The following KHDRBS2 variants were observed in gnomAD, a reference collection of about 807,000 sequenced individuals.
KHDRBS2 encodes KH RNA binding domain containing, signal transduction associated 2.
KHDRBS2 carries 26 observed loss-of-function variants against 44.3 expected under a neutral mutation model. The observed-to-expected ratio is 0.59, with a 90% CI of 0.43 to 0.81. KHDRBS2 has a LOEUF of 0.81. Among genes scored for constraint, KHDRBS2 ranks in the 40% least tolerant of loss-of-function variants. The pLI is 0.00. For missense variants in KHDRBS2, 476 were observed against 433.1 expected (o/e 1.10, Z -0.88); for synonymous variants, 194 against 151.1 (o/e 1.28, Z -2.08).
intron 1 of KHDRBS2, among the ~76,000 whole-genome samples, chr6:62,223,384 G>T (rs911678201): frequency 2.6e-5 from 4 of 152,170 alleles, no homozygotes; most frequent in African/African-American, 9.6e-5. Context: ...CCTGGGTCAG[G>T]CCAACGAAAT....
intron 6 of KHDRBS2, among the ~76,000 whole-genome samples, chr6:61,870,274 T>C (rs1243043836): frequency 6.6e-6 from 1 of 152,136 alleles, no homozygotes; most frequent in Non-Finnish European, 1.5e-5. Flanking sequence ...TAACAGCCAC[T>C]GGGAAGTTCG....
Position 62,092,847 on chromosome 6 carries a change from G to A in KHDRBS2, c.220-44853C>T, listed in dbSNP as rs192289601. Among the ~76,000 whole-genome samples the A allele has an allele frequency of 1.9e-4, 29 of 152,150 alleles. No homozygotes were observed. The East Asian group carries it at 5.0e-3, about 26-fold the overall frequency. On this transcript the variant is annotated intron_variant, in intron 2 of 8. Transcript: ENST00000281156. Reference sequence around the variant, plus strand: ...GTAAGCCATATGAATCCTGGATAAGGAAGAAATAAGGAACATCCACCCATT... The same window carrying A: ...GTAAGCCATATGAATCCTGGATAAGAAAGAAATAAGGAACATCCACCCATT...
At chr6:61,582,880 A>G in the KHDRBS2 span, among the ~76,000 whole-genome samples, 3 of 151,790 alleles carry the variant, frequency 2.0e-5, no homozygotes, top group Admixed American at 6.6e-5. Flanking sequence ...TATTCTTGCT[A>G]TAAGTCTTTT....
chr6:61,975,799 CA>C (rs1772507380), intron 4 of KHDRBS2, among the ~76,000 whole-genome samples: 1 of 152,146 alleles, frequency 6.6e-6, no homozygotes, highest in East Asian at 1.9e-4. Flanking sequence ...ATACTACGTT[CA>C]AAATATAGTA....
intron 8 of KHDRBS2, among the ~76,000 whole-genome samples, chr6:61,695,931 T>C (rs2127543448): frequency 6.6e-6 from 1 of 152,210 alleles, no homozygotes; most frequent in East Asian, 1.9e-4. Context: ...CCTTTTCTCT[T>C]CCCCACAGAG....
intron 1 of KHDRBS2, among the ~76,000 whole-genome samples, chr6:62,267,212 A>G (rs1457822196): frequency 1.3e-5 from 2 of 152,052 alleles, no homozygotes; most frequent in South Asian, 2.1e-4. Context: ...TCAAGAGACC[A>G]AGGTCAGCCA....
chr6:61,713,385 T>C (rs1770851404), intron 7 of KHDRBS2, among the ~76,000 whole-genome samples: 1 of 151,790 alleles, frequency 6.6e-6, no homozygotes, highest in African/African-American at 2.4e-5. Flanking sequence ...CCTATATTTT[T>C]CCCAGATAAA....
chr6:61,550,608 T>C, the KHDRBS2 span, among the ~76,000 whole-genome samples: 1 of 152,124 alleles, frequency 6.6e-6, no homozygotes, highest in Non-Finnish European at 1.5e-5. Flanking sequence ...TTCTGTTTTA[T>C]GTTCTTTCAG....
intron 2 of KHDRBS2, among the ~76,000 whole-genome samples, chr6:62,107,907 C>CT (rs1234722152): frequency 6.6e-6 from 1 of 152,106 alleles, no homozygotes; most frequent in Non-Finnish European, 1.5e-5. Context: ...AAAGCTGAAA[C>CT]TGGATCCCTT....
chr6:61,550,326 G>C, the KHDRBS2 span, among the ~76,000 whole-genome samples: 1 of 152,072 alleles, frequency 6.6e-6, no homozygotes, highest in Non-Finnish European at 1.5e-5. Context: ...TGTTCACTTA[G>C]GATACTATCG....
intron 1 of KHDRBS2, among the ~76,000 whole-genome samples, chr6:62,189,378 T>G (rs1053409863): frequency 2.0e-5 from 3 of 152,006 alleles, no homozygotes; most frequent in African/African-American, 7.2e-5. Context: ...TTTCACTTCT[T>G]AAGAGACTCT....
intron 7 of KHDRBS2, among the ~76,000 whole-genome samples, chr6:61,713,579 A>C (rs1770880525): frequency 8.1e-6 from 1 of 122,754 alleles, no homozygotes; most frequent in African/African-American, 3.7e-5. Context: ...TGATACCTTT[A>C]GCTTTTTTTT....
intron 2 of KHDRBS2, among the ~76,000 whole-genome samples, chr6:62,083,612 T>C (rs1336972558): frequency 6.6e-6 from 1 of 152,172 alleles, no homozygotes; most frequent in Non-Finnish European, 1.5e-5. Flanking sequence ...CATGGAGTTC[T>C]GCTCCTGCCA....
Position 61,893,505 on chromosome 6 carries a change from T to C in KHDRBS2, c.810+1130A>G, listed in dbSNP as rs533118838. 2.0e-5 allele frequency among the ~76,000 whole-genome samples: 3 copies of C among 152,200 alleles called. No homozygotes were observed. In the South Asian group the frequency reaches 6.2e-4, roughly 32 times the overall value. ...CAAAGACTTGGAACCAACCCAAATG[T>C]CCAACAATGATAGACTGGATTAAGA... On this transcript the variant is annotated intron_variant, in intron 6 of 8. Coordinates refer to ENST00000281156, the MANE Select transcript of KHDRBS2 (RefSeq NM_152688.4).
At chr6:62,245,722 T>C (rs569419591) in intron 1 of KHDRBS2, among the ~76,000 whole-genome samples, 85 of 152,224 alleles carry the variant, frequency 5.6e-4, no homozygotes, top group African/African-American at 2.0e-3. Flanking sequence ...TATGTTCTAA[T>C]TGAAGATTAG....
the KHDRBS2 span, among the ~76,000 whole-genome samples, chr6:61,563,076 G>T: frequency 5.9e-5 from 9 of 152,068 alleles, no homozygotes; most frequent in Non-Finnish European, 1.2e-4. Context: ...GTTAGGAGAA[G>T]ATATTGTTTT....
intron 6 of KHDRBS2, among the ~76,000 whole-genome samples, chr6:61,877,913 T>C (rs1799668402): frequency 6.6e-6 from 1 of 151,974 alleles, no homozygotes; most frequent in Admixed American, 6.6e-5. Flanking sequence ...TGTTTAATAG[T>C]TGAAGATTTT....
At chr6:61,948,148 C>G (rs142957185) in intron 4 of KHDRBS2, among the ~76,000 whole-genome samples, 1 of 151,592 alleles carries the variant, frequency 6.6e-6, no homozygotes, top group African/African-American at 2.4e-5. Context: ...GAAACCATTC[C>G]GAGAAAGCAA....
At chr6:62,046,136 G>C (rs573374257) in intron 3 of KHDRBS2, among the ~76,000 whole-genome samples, 1 of 151,952 alleles carries the variant, frequency 6.6e-6, no homozygotes, top group East Asian at 1.9e-4. Context: ...TGAATTGTAA[G>C]TAACAGGTAA....
Sources: gnomAD v4.1 joint callset for allele counts (sites outside exome capture counted in the v4.1 genomes callset) on GRCh38, gnomAD v4.1.1 for gene constraint, MANE v1.5 for transcripts, NCBI Gene and HGNC (gene_info 2026-07-23, HGNC 2026-07-21) for gene names.